The following NCAM2 variants were observed in gnomAD, a reference collection of about 807,000 sequenced individuals.
NCAM2 encodes the protein N-CAM-2.
NCAM2 carries 30 observed loss-of-function variants against 98.1 expected under a neutral mutation model. That is an observed-to-expected ratio of 0.31 (90% CI 0.23 to 0.41). The LOEUF (loss-of-function observed/expected upper bound fraction) is 0.41. NCAM2 is among the 10% of genes least tolerant of loss of function. The pLI is 1.00. For missense variants in NCAM2, 867 were observed against 1,005.8 expected (o/e 0.86, Z 1.87); for synonymous variants, 368 against 342.4 (o/e 1.07, Z -0.83).
intron 4 of NCAM2, among the ~76,000 whole-genome samples, chr21:21,290,774 A>G (rs1406709107): frequency 1.3e-5 from 2 of 151,636 alleles, no homozygotes; most frequent in Non-Finnish European, 2.9e-5. Flanking sequence ...TGACTCTTCT[A>G]TTTGTTATTT....
intron 1 of NCAM2, among the ~76,000 whole-genome samples, chr21:21,191,185 A>G (rs2068810264): frequency 6.6e-6 from 1 of 152,182 alleles, no homozygotes; most frequent in Admixed American, 6.5e-5. Flanking sequence ...AATATACAGA[A>G]CAGGTGGACT....
intron 1 of NCAM2, among the ~76,000 whole-genome samples, chr21:21,042,020 A>G (rs1211760226): frequency 2.6e-5 from 4 of 152,222 alleles, no homozygotes; most frequent in Non-Finnish European, 5.9e-5. Flanking sequence ...TAAGTGCAGT[A>G]GAACCCTTCC....
At chr21:21,350,220 A>T (rs1396136749) in intron 8 of NCAM2, among the ~76,000 whole-genome samples, 4 of 152,120 alleles carry the variant, frequency 2.6e-5, no homozygotes, top group South Asian at 2.1e-4. Flanking sequence ...TTAAAAATTT[A>T]AAAATTAAAA....
At chr21:21,260,583 C>A (rs1171167363) in intron 1 of NCAM2, among the ~76,000 whole-genome samples, 1 of 150,998 alleles carries the variant, frequency 6.6e-6, no homozygotes, top group East Asian at 1.9e-4. Flanking sequence ...AAATGCCAGC[C>A]AAGAATTTTA....
intron 5 of NCAM2, among the ~76,000 whole-genome samples, chr21:21,299,344 A>G (rs2073621952): frequency 6.6e-6 from 1 of 151,518 alleles, no homozygotes; most frequent in African/African-American, 2.4e-5. Flanking sequence ...TTTTAATAAA[A>G]GCATAGGTAT....
At chr21:21,271,453 A>G (rs537824824) in intron 1 of NCAM2, among the ~76,000 whole-genome samples, 1 of 152,342 alleles carries the variant, frequency 6.6e-6, no homozygotes, top group East Asian at 1.9e-4. Flanking sequence ...GATTAATTTT[A>G]ACTTAAATAG....
At chr21:21,294,358 G>A (rs944937192) in intron 5 of NCAM2, among the ~76,000 whole-genome samples, 6 of 151,812 alleles carry the variant, frequency 4.0e-5, no homozygotes, top group African/African-American at 1.4e-4. Flanking sequence ...ATTTCAGGAT[G>A]TATAAGGAGA....
intron 15 of NCAM2, among the ~76,000 whole-genome samples, chr21:21,491,443 T>A (rs1464328861): frequency 1.3e-5 from 2 of 151,796 alleles, no homozygotes; most frequent in Non-Finnish European, 3.0e-5. Context: ...ATGAATAAAG[T>A]TGCAGAAATT....
At chr21:21,450,395 G>A (rs1286871415) in intron 12 of NCAM2, among the ~76,000 whole-genome samples, 1 of 145,050 alleles carries the variant, frequency 6.9e-6, no homozygotes, top group Non-Finnish European at 1.5e-5. Context: ...CCAGGCTGGG[G>A]TACAGTGGCA....
intron 1 of NCAM2, among the ~76,000 whole-genome samples, chr21:21,095,368 G>T (rs759139343): frequency 4.0e-5 from 6 of 151,496 alleles, no homozygotes; most frequent in African/African-American, 1.5e-4. Context: ...ATTGATTATG[G>T]TAAATGTATG....
chr21:21,110,912 G>T (rs905900383), intron 1 of NCAM2, among the ~76,000 whole-genome samples: 4 of 152,000 alleles, frequency 2.6e-5, no homozygotes, highest in African/African-American at 9.7e-5. Context: ...AGGAAAAAGG[G>T]CTCCTGGACA....
At position 21,023,424 on chromosome 21, in the gene NCAM2, TGAGGCG is replaced by T. The variant is rs900528189; in HGVS notation, c.55+24808_55+24813del. ...CTGTAATCCCAGCCACTCTGTAGGC[TGAGGCG>T]GGAGAATCACTTGAATCTGGGAGGC... On this transcript the variant is annotated intron_variant, in intron 1 of 17. Coordinates refer to ENST00000400546, the MANE Select transcript of NCAM2 (RefSeq NM_004540.5). Among the ~76,000 whole-genome samples, 154 of 151,718 alleles carry T rather than the reference TGAGGCG, an allele frequency of 1.0e-3. 1 individual carries two copies. Among genetic ancestry groups the T allele is most frequent in the African/African-American group, 3.6e-3 (149 of 41,306 alleles).
At chr21:21,406,580 C>A (rs994343581) in intron 9 of NCAM2, among the ~76,000 whole-genome samples, 1 of 152,182 alleles carries the variant, frequency 6.6e-6, no homozygotes, top group Non-Finnish European at 1.5e-5. Context: ...GTCACTGGCA[C>A]TGGAGGCTTT....
intron 1 of NCAM2, among the ~76,000 whole-genome samples, chr21:21,060,766 G>A (rs2065305080): frequency 6.6e-6 from 1 of 152,046 alleles, no homozygotes; most frequent in Non-Finnish European, 1.5e-5. Context: ...TAACCTATTT[G>A]TTGGCTTATT....
At chr21:21,358,935 T>A (rs570330628) in intron 8 of NCAM2, among the ~76,000 whole-genome samples, 14 of 152,158 alleles carry the variant, frequency 9.2e-5, no homozygotes, top group African/African-American at 3.1e-4. Flanking sequence ...GGAGTGTTTC[T>A]TCAATTTTCT....
intron 9 of NCAM2, among the ~76,000 whole-genome samples, chr21:21,394,337 G>C (rs1292285933): frequency 6.6e-6 from 1 of 151,744 alleles, no homozygotes. Flanking sequence ...AGATATATTA[G>C]TTTTTACTCC....
intron 1 of NCAM2, among the ~76,000 whole-genome samples, chr21:21,218,202 G>T (rs955758278): frequency 2.6e-5 from 4 of 152,320 alleles, no homozygotes; most frequent in Admixed American, 1.3e-4. Context: ...TTGGACTTGT[G>T]AGCGTGGCCT....
chr21:21,179,346 G>A (rs564588962), intron 1 of NCAM2, among the ~76,000 whole-genome samples: 1 of 151,678 alleles, frequency 6.6e-6, no homozygotes, highest in South Asian at 2.1e-4. Flanking sequence ...TATTTCTTAT[G>A]CTGTATATTT....
intron 9 of NCAM2, among the ~76,000 whole-genome samples, chr21:21,391,615 A>G (rs1248220284): frequency 6.6e-6 from 1 of 152,210 alleles, no homozygotes; most frequent in Non-Finnish European, 1.5e-5. Flanking sequence ...AGATCCCTTC[A>G]TTGCAAATTT....
Sources: gnomAD v4.1 joint callset for allele counts (sites outside exome capture counted in the v4.1 genomes callset) on GRCh38, gnomAD v4.1.1 for gene constraint, MANE v1.5 for transcripts, NCBI Gene and HGNC (gene_info 2026-07-23, HGNC 2026-07-21) for gene names.